The following INPP4A variants were observed in gnomAD, a reference collection of about 807,000 sequenced individuals.
The protein encoded by INPP4A is inositol polyphosphate-4-phosphatase, type I, 107kD.
INPP4A carries 33 observed loss-of-function variants against 119.8 expected under a neutral mutation model. The ratio of observed to expected loss-of-function variants is 0.28; its 90% CI spans 0.21 to 0.37. The LOEUF is 0.37. Ranked by LOEUF, INPP4A falls within the 10% of genes least tolerant of loss-of-function variation. The pLI is 1.00. For synonymous variants in INPP4A, 496 were observed against 500.7 expected, an observed-to-expected ratio of 0.99 and a Z score of 0.12; for missense variants, 956 against 1,289.9, an observed-to-expected ratio of 0.74 and a Z score of 3.97.
chr2:98,553,609 C>T (rs1245189013), intron 14 of INPP4A, among the ~76,000 whole-genome samples: 2 of 152,092 alleles, frequency 1.3e-5, no homozygotes, highest in Non-Finnish European at 2.9e-5. Context: ...CTGACTATAC[C>T]TCCACACTCA....
chr2:98,507,322 C>G (rs1461770128), intron 1 of INPP4A, among the ~76,000 whole-genome samples: 1 of 152,128 alleles, frequency 6.6e-6, no homozygotes, highest in Non-Finnish European at 1.5e-5. Context: ...TTTAAATGTT[C>G]TAAACAAAAG....
chr2:98,515,095 C>T (rs984352994), intron 1 of INPP4A, among the ~76,000 whole-genome samples: 1 of 152,170 alleles, frequency 6.6e-6, no homozygotes, highest in Non-Finnish European at 1.5e-5. Context: ...GAGGTTCATC[C>T]GCATCCTTTG....
In INPP4A at chr2:98,590,304, A is replaced by T. The variant is rs891927706; in HGVS notation, c.*2696A>T. On this transcript the variant is annotated 3_prime_UTR_variant, in exon 25 of 25. Coordinates refer to ENST00000409851, the MANE Select transcript of INPP4A (RefSeq NM_001134225.2). ...GGACCATGGGAGACTTCCATTTTAT[A>T]AGCTTGTTTCTGCCTAATTTGAAGC... 2.1e-5 allele frequency: 4 copies of T among 193,674 alleles called. No homozygotes were observed. The highest frequency in any genetic ancestry group is 4.3e-5 in the Non-Finnish European group (4 of 92,956). The allele number at this position is 193,674 out of a possible 1,614,324, so 12.0% of individuals were successfully genotyped here.
At chr2:98,582,755 C>G (rs1228811529) in intron 24 of INPP4A, among the ~76,000 whole-genome samples, 1 of 151,388 alleles carries the variant, frequency 6.6e-6, no homozygotes, top group Non-Finnish European at 1.5e-5. Context: ...ACGCCAGACA[C>G]AGATCATCTA....
intron 21 of INPP4A, among the ~76,000 whole-genome samples, chr2:98,567,637 G>A (rs1696713993): frequency 6.6e-6 from 1 of 152,194 alleles, no homozygotes; most frequent in Non-Finnish European, 1.5e-5. Context: ...GGTGGAGGAT[G>A]CAACACTGAG....
intron 1 of INPP4A, among the ~76,000 whole-genome samples, chr2:98,483,761 C>T (rs1678975855): frequency 6.6e-6 from 1 of 152,192 alleles, no homozygotes; most frequent in Non-Finnish European, 1.5e-5. Context: ...GTTGGCTACT[C>T]TGCTCCCATG....
At position 98,457,704 on chromosome 2, in the gene INPP4A, G is replaced by A. The variant is rs140529866; in HGVS notation, c.-166+12619G>A. 1.8e-3 allele frequency among the ~76,000 whole-genome samples: 271 copies of A among 152,314 alleles called. 2 individuals carry two copies. Among genetic ancestry groups the A allele is most frequent in the African/African-American group, 6.2e-3 (258 of 41,574 alleles). The stretch of plus-strand genomic sequence containing the variant: ...ATAAACAGGAGTTTGGTTTATTAAA[G>A]CTGTTTGAGCTTGCTACTTAGGCAG... On this transcript the variant is annotated intron_variant, in intron 1 of 24. Coordinates refer to ENST00000409851, the MANE Select transcript of INPP4A (RefSeq NM_001134225.2).
intron 1 of INPP4A, among the ~76,000 whole-genome samples, chr2:98,506,161 G>A (rs1409507447): frequency 6.6e-6 from 1 of 152,212 alleles, no homozygotes; most frequent in Non-Finnish European, 1.5e-5. Flanking sequence ...CACAGGAGAT[G>A]CTTATGAAGA....
At position 98,566,191 on chromosome 2, in the gene INPP4A, C is replaced by A; in HGVS notation, c.2420+22C>A. Reference sequence around the variant, plus strand: ...AGAGGTGCGTGCCGGCTCCTCGGGGCTGCGGGGGTGTGGTGGCCCTGGAGA... The same window carrying A: ...AGAGGTGCGTGCCGGCTCCTCGGGGATGCGGGGGTGTGGTGGCCCTGGAGA... On this transcript the variant is annotated intron_variant, in intron 21 of 24. Coordinates refer to ENST00000409851, the MANE Select transcript of INPP4A (RefSeq NM_001134225.2). The surrounding 1 kb of genome is among the most constrained non-coding windows in gnomAD (Gnocchi z 4.2). 1 of 1,560,402 alleles carries A rather than the reference C, an allele frequency of 6.4e-7. No homozygotes were observed. The highest frequency in any genetic ancestry group is 2.3e-5 in the East Asian group (1 of 42,788).
intron 11 of INPP4A, among the ~76,000 whole-genome samples, chr2:98,545,564 T>C (rs1692326475): frequency 6.6e-6 from 1 of 152,226 alleles, no homozygotes; most frequent in African/African-American, 2.4e-5. Flanking sequence ...TGGCGGTCTC[T>C]GGAGTCAGAA....
chr2:98,523,811 T>TA, intron 4 of INPP4A, among the ~76,000 whole-genome samples: 1 of 152,220 alleles, frequency 6.6e-6, no homozygotes, highest in Non-Finnish European at 1.5e-5. Context: ...AAACCTTCAA[T>TA]ACAGAAAATG....
At chr2:98,522,086 A>G (rs1423322343) in intron 4 of INPP4A, among the ~76,000 whole-genome samples, 1 of 151,990 alleles carries the variant, frequency 6.6e-6, no homozygotes, top group Non-Finnish European at 1.5e-5. Context: ...TCAGGAGTTC[A>G]AGACCAGCCT....
At chr2:98,539,404 C>A in intron 9 of INPP4A, 124 bp from the exon 10 acceptor site, 1 of 1,077,874 alleles carries the variant, frequency 9.3e-7, no homozygotes, top group Non-Finnish European at 1.3e-6. Flanking sequence ...GTTTTAATTC[C>A]CATGAGATGA....
Position 98,539,510 on chromosome 2 carries a change from C to T in INPP4A, c.671-18C>T, listed in dbSNP as rs1054081624. ...GCCAGTTCATTTGCAGCCTGTCTCC[C>T]TTGTCATCCCACCTCAGTGTTCGGT... On this transcript the variant is annotated intron_variant, in intron 9 of 24. Transcript: ENST00000409851. The T allele has an allele frequency of 1.9e-6, 3 of 1,597,296 alleles. No individual in the cohort carries two copies. Among genetic ancestry groups the T allele is most frequent in the Non-Finnish European group, 1.7e-6 (2 of 1,168,848 alleles).
At chr2:98,512,355 C>G (rs1282992473) in intron 1 of INPP4A, among the ~76,000 whole-genome samples, 1 of 152,210 alleles carries the variant, frequency 6.6e-6, no homozygotes, top group Non-Finnish European at 1.5e-5. Flanking sequence ...CTGGGCCTCA[C>G]AGGTTGATCC....
At chr2:98,477,217 G>T (rs978822994) in intron 1 of INPP4A, among the ~76,000 whole-genome samples, 1 of 152,252 alleles carries the variant, frequency 6.6e-6, no homozygotes, top group Non-Finnish European at 1.5e-5. Context: ...GTGAGCGGCA[G>T]TTGGGGTTGG....
intron 9 of INPP4A, 43 bp from the exon 10 acceptor site, chr2:98,539,485 G>A: frequency 1.9e-6 from 3 of 1,584,080 alleles, no homozygotes; most frequent in Non-Finnish European, 2.6e-6. Flanking sequence ...CAGGTCTGCA[G>A]CCAGTTCATT....
At chr2:98,557,159 A>G (rs771010991) in intron 16 of INPP4A, among the ~76,000 whole-genome samples, 4 of 152,130 alleles carry the variant, frequency 2.6e-5, no homozygotes, top group Non-Finnish European at 4.4e-5. Flanking sequence ...CACATCCTGT[A>G]TTGTTTAAAT....
chr2:98,464,192 G>A (rs895504883), intron 1 of INPP4A, among the ~76,000 whole-genome samples: 28 of 152,148 alleles, frequency 1.8e-4, no homozygotes, highest in Non-Finnish European at 3.5e-4. Context: ...GGCTGGGGAA[G>A]GTTGGGACAG....
Sources: allele counts gnomAD v4.1 joint callset (sites outside exome capture counted in the v4.1 genomes callset), GRCh38; gene constraint gnomAD v4.1.1; non-coding constraint Gnocchi (gnomAD v3.1); transcripts MANE v1.5; gene names NCBI Gene and HGNC (gene_info 2026-07-23, HGNC 2026-07-21).